CAMK2D: variants seen among roughly 807,000 people sequenced by gnomAD.
The protein encoded by CAMK2D is calcium/calmodulin dependent protein kinase II delta, also known as calcium/calmodulin-dependent protein kinase type II subunit delta.
In CAMK2D, 37 loss-of-function variants were observed where a neutral mutation model predicts 84.0. The observed-to-expected ratio is 0.44, with a 90% CI of 0.34 to 0.58. CAMK2D has a LOEUF of 0.58. Ranked by LOEUF, CAMK2D falls within the 20% of genes least tolerant of loss-of-function variation. The pLI is 0.02. For missense variants in CAMK2D, 448 were observed against 652.5 expected, an observed-to-expected ratio of 0.69 and a Z score of 3.41; for synonymous variants, 202 against 212.5, an observed-to-expected ratio of 0.95 and a Z score of 0.43.
intron 3 of CAMK2D, among the ~76,000 whole-genome samples, chr4:113,638,640 G>A (rs976493382): frequency 2.0e-5 from 3 of 152,052 alleles, no homozygotes; most frequent in East Asian, 1.9e-4. Flanking sequence ...CAGCAAACAG[G>A]GACCTGTTTC....
At chr4:113,561,580 C>A (rs1047001915) in intron 4 of CAMK2D, among the ~76,000 whole-genome samples, 2 of 152,148 alleles carry the variant, frequency 1.3e-5, no homozygotes, top group East Asian at 3.8e-4. Flanking sequence ...ACTAGTAGCT[C>A]ATTTCTAGTT....
At position 113,575,441 on chromosome 4, in the gene CAMK2D, C is replaced by A. The variant is rs141822143; in HGVS notation, c.276-23345G>T. ...CTACAACAAAATATACTTTAAATTT[C>A]TCTGAATTCTTAAATATGCAAAATA... On this transcript the variant is annotated intron_variant, in intron 4 of 20. Transcript: ENST00000511664. 1.8e-3 allele frequency among the ~76,000 whole-genome samples: 272 copies of A among 152,236 alleles called. 1 individual carries two copies. Among genetic ancestry groups the A allele is most frequent in the African/African-American group, 6.3e-3 (260 of 41,542 alleles).
intron 1 of CAMK2D, among the ~76,000 whole-genome samples, chr4:113,760,640 T>A (rs574916410): frequency 6.6e-6 from 1 of 152,136 alleles, no homozygotes; most frequent in South Asian, 2.1e-4. Flanking sequence ...GCATTTTACA[T>A]GGGTTCTAAT....
intron 15 of CAMK2D, among the ~76,000 whole-genome samples, chr4:113,501,157 A>G (rs1319744265): frequency 9.9e-5 from 15 of 152,094 alleles, no homozygotes; most frequent in Non-Finnish European, 2.2e-4. Flanking sequence ...CATTCTTTTC[A>G]AAAATAGCAA....
intron 4 of CAMK2D, among the ~76,000 whole-genome samples, chr4:113,585,717 A>G (rs2189207): frequency 0.7 from 105,601 of 150,554 alleles, 37,239 homozygotes; most frequent in Middle Eastern, 0.74. Flanking sequence ...TTAGTATATC[A>G]TATAGTATAG....
chr4:113,737,612 A>G (rs2099584225), intron 2 of CAMK2D, among the ~76,000 whole-genome samples: 2 of 152,206 alleles, frequency 1.3e-5, no homozygotes, highest in South Asian at 4.1e-4. Context: ...TAAATTGTAC[A>G]CTTAAAAACA....
chr4:113,540,879 C>T (rs960758313), intron 6 of CAMK2D, among the ~76,000 whole-genome samples: 1 of 152,110 alleles, frequency 6.6e-6, no homozygotes, highest in African/African-American at 2.4e-5. Flanking sequence ...ATAATGCAAT[C>T]CCTTTCTAGG....
intron 13 of CAMK2D, among the ~76,000 whole-genome samples, chr4:113,505,390 T>C (rs1178152882): frequency 3.3e-5 from 5 of 152,326 alleles, no homozygotes; most frequent in African/African-American, 9.6e-5. Context: ...AAGCTTCCAA[T>C]TGTTCACAGT....
chr4:113,654,034 TTAC>T (rs963985056), intron 3 of CAMK2D, among the ~76,000 whole-genome samples: 1 of 152,048 alleles, frequency 6.6e-6, no homozygotes, highest in Non-Finnish European at 1.5e-5. Flanking sequence ...GGTTAAAATA[TTAC>T]TTTTACAGGA....
chr4:113,710,115 T>G (rs946471527), intron 2 of CAMK2D, among the ~76,000 whole-genome samples: 1 of 151,998 alleles, frequency 6.6e-6, no homozygotes, highest in Non-Finnish European at 1.5e-5. Flanking sequence ...ATTTAAAAAC[T>G]AGGGTATTTT....
chr4:113,504,362 C>G (rs1284176996), intron 14 of CAMK2D, among the ~76,000 whole-genome samples: 1 of 152,076 alleles, frequency 6.6e-6, no homozygotes, highest in Non-Finnish European at 1.5e-5. Context: ...TAATTCAAAC[C>G]TCTATTCTTT....
At chr4:113,472,242 TC>T (rs2097555801) in intron 16 of CAMK2D, among the ~76,000 whole-genome samples, 1 of 152,210 alleles carries the variant, frequency 6.6e-6, no homozygotes, top group South Asian at 2.1e-4. Flanking sequence ...TGAATAAATA[TC>T]AGTATATGGT....
intron 2 of CAMK2D, among the ~76,000 whole-genome samples, chr4:113,749,268 C>G (rs995194891): frequency 1.4e-5 from 2 of 147,158 alleles, no homozygotes; most frequent in African/African-American, 5.0e-5. Flanking sequence ...CCGCCCCCCC[C>G]ACCCAGTGTC....
At chr4:113,740,410 C>G (rs1244490919) in intron 2 of CAMK2D, among the ~76,000 whole-genome samples, 2 of 151,914 alleles carry the variant, frequency 1.3e-5, no homozygotes, top group Non-Finnish European at 2.9e-5. Flanking sequence ...TATGATTCCA[C>G]TGACATGAAA....
intron 2 of CAMK2D, among the ~76,000 whole-genome samples, chr4:113,698,703 A>G (rs1381250648): frequency 1.3e-5 from 2 of 152,120 alleles, no homozygotes; most frequent in African/African-American, 2.4e-5. Flanking sequence ...AGGTGTTACC[A>G]TCTGTCTTTC....
chr4:113,666,731 A>C (rs2099258875), intron 2 of CAMK2D, among the ~76,000 whole-genome samples: 1 of 152,126 alleles, frequency 6.6e-6, no homozygotes. Flanking sequence ...CTCCCAAAAT[A>C]ATCTTATATC....
chr4:113,747,561 TA>T (rs1398553338), intron 2 of CAMK2D, among the ~76,000 whole-genome samples: 1 of 152,116 alleles, frequency 6.6e-6, no homozygotes, highest in African/African-American at 2.4e-5. Flanking sequence ...TGAACTTTTT[TA>T]AACAGTCATT....
chr4:113,654,627 A>G (rs891344941), intron 3 of CAMK2D, among the ~76,000 whole-genome samples: 26 of 152,150 alleles, frequency 1.7e-4, no homozygotes, highest in African/African-American at 6.3e-4. Context: ...TGCTTTTTCA[A>G]TCTTGCTGCT....
intron 11 of CAMK2D, 133 bp downstream of exon 11, chr4:113,513,697 G>C: frequency 1.6e-6 from 1 of 610,882 alleles, no homozygotes; most frequent in African/African-American, 1.9e-5. Context: ...TTTCCCAAGA[G>C]CCCCAAAAAG....
Sources: allele counts gnomAD v4.1 joint callset (sites outside exome capture counted in the v4.1 genomes callset), GRCh38; gene constraint gnomAD v4.1.1; transcripts MANE v1.5; gene names NCBI Gene and HGNC (gene_info 2026-07-23, HGNC 2026-07-21).